SLC35D4: variants seen among roughly 807,000 people sequenced by gnomAD.
SLC35D4 encodes UDP-N-acetylglucosamine transporter SLC35D4.
chr18:23,330,115 G>A, the SLC35D4 span, among the ~76,000 whole-genome samples: 1 of 152,138 alleles, frequency 6.6e-6, no homozygotes, highest in Non-Finnish European at 1.5e-5. Context: ...GTTGATGGGT[G>A]CAGCAAACCA....
chr18:23,242,013 C>G, the SLC35D4 span, among the ~76,000 whole-genome samples: 1 of 152,164 alleles, frequency 6.6e-6, no homozygotes, highest in African/African-American at 2.4e-5. Context: ...CAGTGGCTCA[C>G]GCCTGTAATC....
chr18:23,359,345 C>T, the SLC35D4 span, among the ~76,000 whole-genome samples: 1 of 148,668 alleles, frequency 6.7e-6, no homozygotes, highest in Non-Finnish European at 1.5e-5. Flanking sequence ...GATTGTCCCA[C>T]TGCACTCCAG....
At chr18:23,263,511 T>G in the SLC35D4 span, among the ~76,000 whole-genome samples, 1 of 152,330 alleles carries the variant, frequency 6.6e-6, no homozygotes, top group Non-Finnish European at 1.5e-5. Context: ...GCTAAGGGGC[T>G]TTTGAAAGTA....
chr18:23,330,999 T>A, the SLC35D4 span: 3 of 151,900 alleles, frequency 2.0e-5, no homozygotes, highest in Non-Finnish European at 4.4e-5. Flanking sequence ...ACAAAAAAAT[T>A]GAAAAATTAG....
the SLC35D4 span, among the ~76,000 whole-genome samples, chr18:23,424,706 T>C: frequency 6.6e-6 from 1 of 152,156 alleles, no homozygotes; most frequent in Non-Finnish European, 1.5e-5. Flanking sequence ...CAGAAGACAC[T>C]TTAAAACTTT....
the SLC35D4 span, among the ~76,000 whole-genome samples, chr18:23,275,608 T>TGCTGTGCC: frequency 1.2e-5 from 1 of 83,584 alleles, no homozygotes; most frequent in African/African-American, 4.8e-5. Context: ...TGTGCTGTGC[T>TGCTGTGCC]GTGCTGTGCT....
the SLC35D4 span, among the ~76,000 whole-genome samples, chr18:23,373,548 G>A: frequency 6.6e-6 from 1 of 152,322 alleles, no homozygotes; most frequent in Non-Finnish European, 1.5e-5. Flanking sequence ...TGGGGAAATG[G>A]TGTTGCCCAG....
At chr18:23,332,132 C>T in the SLC35D4 span, among the ~76,000 whole-genome samples, 1 of 151,818 alleles carries the variant, frequency 6.6e-6, no homozygotes, top group Non-Finnish European at 1.5e-5. Context: ...TGGCCTCAAG[C>T]GATCCTCTCA....
chr18:23,311,666 A>G, the SLC35D4 span, among the ~76,000 whole-genome samples: 1 of 152,094 alleles, frequency 6.6e-6, no homozygotes, highest in African/African-American at 2.4e-5. Context: ...AGCCTAATCA[A>G]GTCTTCTCTT....
chr18:23,246,695 T>A, the SLC35D4 span, among the ~76,000 whole-genome samples: 1 of 151,390 alleles, frequency 6.6e-6, no homozygotes, highest in Non-Finnish European at 1.5e-5. Flanking sequence ...CCGGCCAGTT[T>A]TTTCGTTTTT....
At chr18:23,303,548 T>C in the SLC35D4 span, among the ~76,000 whole-genome samples, 1 of 152,260 alleles carries the variant, frequency 6.6e-6, no homozygotes, top group Non-Finnish European at 1.5e-5. Context: ...TGGCTCATTT[T>C]GAAATTCTGT....
chr18:23,283,471 C>CA, the SLC35D4 span, among the ~76,000 whole-genome samples: 6,225 of 43,890 alleles, frequency 0.14, 563 homozygotes, highest in African/African-American at 0.23. Flanking sequence ...GACCCAGTCT[C>CA]AAAAAAAAAA....
At chr18:23,427,649 C>G in the SLC35D4 span, among the ~76,000 whole-genome samples, 3 of 152,196 alleles carry the variant, frequency 2.0e-5, no homozygotes, top group Admixed American at 1.3e-4. Context: ...TACCATTTGA[C>G]CCAGCAATCC....
the SLC35D4 span, among the ~76,000 whole-genome samples, chr18:23,271,364 C>T: frequency 6.6e-6 from 1 of 152,176 alleles, no homozygotes; most frequent in African/African-American, 2.4e-5. Context: ...TGGACTAATA[C>T]AGATGGTAAA....
the SLC35D4 span, among the ~76,000 whole-genome samples, chr18:23,303,810 AGAATT>A: frequency 1.3e-5 from 2 of 151,992 alleles, no homozygotes; most frequent in African/African-American, 4.8e-5. Flanking sequence ...CTGAGGCATG[AGAATT>A]GCTTGAACCC....
chr18:23,423,303 C>A, the SLC35D4 span, among the ~76,000 whole-genome samples: 4 of 152,064 alleles, frequency 2.6e-5, no homozygotes, highest in Admixed American at 2.0e-4. Flanking sequence ...TTTCACTGAC[C>A]CAGCCAAGCA....
the SLC35D4 span, chr18:23,331,256 T>A: frequency 6.6e-6 from 1 of 152,282 alleles, no homozygotes; most frequent in Non-Finnish European, 1.5e-5. Context: ...TGAGCTCACC[T>A]TCTTTACCTT....
At chr18:23,338,371 G>A in the SLC35D4 span, among the ~76,000 whole-genome samples, 1,102 of 152,252 alleles carry the variant, frequency 7.2e-3, 14 homozygotes, top group African/African-American at 0.025. Context: ...GAAATCACTG[G>A]TTAATTTCAT....
the SLC35D4 span, among the ~76,000 whole-genome samples, chr18:23,292,789 A>G: frequency 1.5e-3 from 232 of 152,350 alleles, 1 homozygote; most frequent in Middle Eastern, 0.01. Context: ...AATCAATGAC[A>G]GGGAGCCTGG....
Sources: allele counts gnomAD v4.1 joint callset (sites outside exome capture counted in the v4.1 genomes callset), GRCh38; gene constraint gnomAD v4.1.1; transcripts MANE v1.5; gene names NCBI Gene and HGNC (gene_info 2026-07-23, HGNC 2026-07-21).